PAH: variants seen among roughly 807,000 people sequenced by gnomAD.
The protein encoded by PAH is phenylalanine-4-hydroxylase.
PAH carries 64 observed loss-of-function variants against 62.0 expected under a neutral mutation model. The ratio of observed to expected loss-of-function variants is 1.03; its 90% CI spans 0.84 to 1.27. PAH has a LOEUF of 1.27. Among genes scored for constraint, PAH ranks in the 50% most tolerant of loss-of-function variants. The pLI is 0.00. For missense variants in PAH, 579 were observed against 542.8 expected (o/e 1.07, Z -0.66); for synonymous variants, 195 against 196.2 (o/e 0.99, Z 0.05).
chr12:102,894,986 C>G (rs1295770742), intron 2 of PAH, 68 bp from the exon 3 acceptor site: 1 of 1,162,588 alleles, frequency 8.6e-7, no homozygotes, highest in African/African-American at 1.5e-5. Flanking sequence ...GATGCAGAAC[C>G]AGAACAGGAA....
At chr12:102,895,869 A>AAATATATATATATATATATATAT (rs953209518) in intron 2 of PAH, among the ~76,000 whole-genome samples, 7 of 118,704 alleles carry the variant, frequency 5.9e-5, no homozygotes, top group African/African-American at 2.5e-4. Flanking sequence ...AAAAAAAAAA[A>AAATATATATATATATATATATAT]ATATATATAT....
chr12:102,917,062 G>A lies in PAH; in HGVS notation c.60+9C>T, dbSNP rs369454152. 1.2e-5 allele frequency: 20 copies of A among 1,613,998 alleles called. No homozygotes were observed. In the African/African-American group the frequency reaches 2.1e-4, roughly 17 times the overall value. On this transcript the variant is annotated intron_variant, in intron 1 of 12. Coordinates refer to ENST00000553106, the MANE Select transcript of PAH (RefSeq NM_000277.3). Reference sequence around the variant, plus strand: ...CCCTAACTGAGCAGCTCAGGCTGCCGTGGCTCACCTGTCCAAAGTCAGAGA... The same window carrying A: ...CCCTAACTGAGCAGCTCAGGCTGCCATGGCTCACCTGTCCAAAGTCAGAGA...
At chr12:102,929,754 TA>T (rs770727553) in intron 1 of PAH, among the ~76,000 whole-genome samples, 1 of 151,900 alleles carries the variant, frequency 6.6e-6, no homozygotes, top group Non-Finnish European at 1.5e-5. Context: ...ATGAAGAAAA[TA>T]GGATGAATTT....
chr12:102,902,902 TC>T, intron 2 of PAH, among the ~76,000 whole-genome samples: 1 of 152,240 alleles, frequency 6.6e-6, no homozygotes, highest in Middle Eastern at 3.4e-3. Context: ...TCCCCCACCC[TC>T]CCTTCCAGGT....
chr12:102,895,868 AAAT>A (rs1274837166), intron 2 of PAH, among the ~76,000 whole-genome samples: 244 of 136,164 alleles, frequency 1.8e-3, no homozygotes, highest in African/African-American at 5.8e-3. Flanking sequence ...AAAAAAAAAA[AAAT>A]ATATATATAT....
chr12:102,954,812 C>A (rs1404122511), upstream of PAH, among the ~76,000 whole-genome samples: 1 of 152,082 alleles, frequency 6.6e-6, no homozygotes, highest in Non-Finnish European at 1.5e-5. Flanking sequence ...TGGTAGAATC[C>A]CCAAGGATAG....
chr12:102,910,769 C>T (rs1424287474), intron 2 of PAH, among the ~76,000 whole-genome samples: 1 of 152,126 alleles, frequency 6.6e-6, no homozygotes, highest in African/African-American at 2.4e-5. Context: ...ACACCATTTG[C>T]CCTCTCCTTA....
At chr12:102,912,655 G>T in intron 2 of PAH, 136 bp downstream of exon 2, 2 of 704,476 alleles carry the variant, frequency 2.8e-6, no homozygotes. Context: ...TCACACAGTT[G>T]GTTAATGTAA....
chr12:102,957,995 A>T lies in PAH; in HGVS notation c.-96+200T>A, dbSNP rs913812660. The T allele has an allele frequency of 2.9e-6, 1 of 340,740 alleles. No individual in the cohort carries two copies. Among genetic ancestry groups the T allele is most frequent in the Admixed American group, 4.8e-5 (1 of 20,734 alleles). The allele number at this position is 340,740 out of a possible 1,614,324, so 21.1% of individuals were successfully genotyped here. On this transcript the variant is annotated intron_variant, in intron 1 of 4. Transcript: ENST00000551337. This position sits in a 1 kb window ranked among gnomAD's most constrained non-coding sequence, Gnocchi z 4.1. Reference sequence around the variant, plus strand: ...GCTCCCGAAGCCAACCCGCGAAGGGAGGAGGGGAGGGAGGAGGAGGCGGCG... The same window carrying T: ...GCTCCCGAAGCCAACCCGCGAAGGGTGGAGGGGAGGGAGGAGGAGGCGGCG...
chr12:102,841,369 C>T (rs1200094454), intron 11 of PAH, among the ~76,000 whole-genome samples: 1 of 152,150 alleles, frequency 6.6e-6, no homozygotes, highest in Admixed American at 6.5e-5. Context: ...ACTGAAAATA[C>T]AATGTTACGG....
At chr12:102,865,145 T>G (rs4764918) in intron 5 of PAH, among the ~76,000 whole-genome samples, 34,773 of 152,098 alleles carry the variant, frequency 0.23, 4,821 homozygotes, top group Admixed American at 0.36. Context: ...AATTTCACTC[T>G]TCTTCATAAG....
intron 2 of PAH, among the ~76,000 whole-genome samples, chr12:102,899,359 T>G (rs1877643915): frequency 6.6e-6 from 1 of 152,176 alleles, no homozygotes; most frequent in Non-Finnish European, 1.5e-5. Flanking sequence ...ACCCCACCCC[T>G]GGAAGCATCC....
At chr12:102,932,822 G>T (rs376825099) in intron 1 of PAH, among the ~76,000 whole-genome samples, 1 of 142,974 alleles carries the variant, frequency 7.0e-6, no homozygotes. Flanking sequence ...TTAATTTTTA[G>T]TTGTTGTGAG....
intron 6 of PAH, among the ~76,000 whole-genome samples, chr12:102,853,800 G>A (rs1875285727): frequency 6.6e-6 from 1 of 152,174 alleles, no homozygotes; most frequent in African/African-American, 2.4e-5. Flanking sequence ...CCTACTGTAT[G>A]TAAGACACTG....
intron 1 of PAH, among the ~76,000 whole-genome samples, chr12:102,931,289 A>G (rs1014076924): frequency 2.4e-4 from 36 of 152,286 alleles, no homozygotes; most frequent in African/African-American, 8.4e-4. Context: ...CCACACAGGA[A>G]CTATGTGAGT....
upstream of PAH, among the ~76,000 whole-genome samples, chr12:102,955,328 T>C (rs1879880437): frequency 6.6e-6 from 1 of 152,192 alleles, no homozygotes; most frequent in Admixed American, 6.5e-5. Context: ...GTTTCAAAAT[T>C]AGCTACTGTA....
chr12:102,913,140 T>C (rs1024434893), intron 1 of PAH, among the ~76,000 whole-genome samples: 10 of 152,206 alleles, frequency 6.6e-5, no homozygotes, highest in African/African-American at 2.4e-4. Context: ...CAATTATTCA[T>C]TGATGTCACC....
intron 10 of PAH, 74 bp downstream of exon 10, chr12:102,844,262 A>G: frequency 9.6e-7 from 1 of 1,044,096 alleles, no homozygotes; most frequent in Non-Finnish European, 1.5e-6. Context: ...GGTTTCAACA[A>G]TATTGAAAGC....
chr12:102,867,866 T>G (rs533031264), intron 4 of PAH, among the ~76,000 whole-genome samples: 24 of 136,672 alleles, frequency 1.8e-4, no homozygotes, highest in African/African-American at 6.1e-4. Flanking sequence ...TATACATATA[T>G]AGATGTATAT....
Sources: gnomAD v4.1 joint callset for allele counts (sites outside exome capture counted in the v4.1 genomes callset) on GRCh38, gnomAD v4.1.1 for gene constraint, Gnocchi (gnomAD v3.1) non-coding constraint, MANE v1.5 for transcripts, NCBI Gene and HGNC (gene_info 2026-07-23, HGNC 2026-07-21) for gene names.